MRTFB: variants seen among roughly 807,000 people sequenced by gnomAD.
MRTFB encodes the protein myocardin-related transcription factor B.
MRTFB carries 29 observed loss-of-function variants against 104.2 expected under a neutral mutation model. The ratio of observed to expected loss-of-function variants is 0.28; its 90% CI spans 0.21 to 0.38. MRTFB has a LOEUF of 0.38. Among genes scored for constraint, MRTFB ranks in the 10% least tolerant of loss-of-function variants. The probability of loss-of-function intolerance (pLI) is 1.00; values close to 1 mark genes in which losing one functional copy is unlikely to be tolerated. For synonymous variants in MRTFB, 535 were observed against 519.5 expected, an observed-to-expected ratio of 1.03 and a Z score of -0.41; for missense variants, 1,270 against 1,341.6, an observed-to-expected ratio of 0.95 and a Z score of 0.83.
chr16:13,998,144 G>A, the MRTFB span, among the ~76,000 whole-genome samples: 8 of 152,286 alleles, frequency 5.3e-5, no homozygotes, highest in East Asian at 1.5e-3. Flanking sequence ...AATGAGTGTG[G>A]CTACAACTCA....
chr16:14,127,198 C>T (rs1349515057), intron 2 of MRTFB, among the ~76,000 whole-genome samples: 2 of 152,016 alleles, frequency 1.3e-5, no homozygotes, highest in African/African-American at 4.8e-5. Flanking sequence ...CTGTTCAGTT[C>T]GGTATTTTAA....
upstream of MRTFB, among the ~76,000 whole-genome samples, chr16:14,070,544 T>TGCACAGGGAGTG: frequency 6.6e-6 from 1 of 152,348 alleles, no homozygotes; most frequent in African/African-American, 2.4e-5. Context: ...TCTTCAGAGC[T>TGCACAGGGAGTG]GCACAGGGAG....
chr16:14,091,320 A>G (rs552357420), intron 2 of MRTFB, among the ~76,000 whole-genome samples: 36 of 152,274 alleles, frequency 2.4e-4, no homozygotes, highest in African/African-American at 8.4e-4. Context: ...AAGGGGAGCT[A>G]ATTGGAAGAT....
chr16:14,219,257 T>C (rs1278862289), intron 8 of MRTFB, among the ~76,000 whole-genome samples: 1 of 152,226 alleles, frequency 6.6e-6, no homozygotes, highest in African/African-American at 2.4e-5. Context: ...ACTGAATTTG[T>C]TTGTTCAACA....
Position 14,213,639 on chromosome 16 carries a change from C to G in MRTFB, c.352+19C>G, listed in dbSNP as rs771504132. ...TTAGAAGGTAAAGGATTTATTTCTT[C>G]TTAATCTGCTGTATTTTTTCAAGAA... On this transcript the variant is annotated intron_variant, in intron 6 of 16. Coordinates refer to ENST00000571589, the MANE Select transcript of MRTFB (RefSeq NM_001308142.2). 6 of 1,482,796 alleles carry G rather than the reference C, an allele frequency of 4.0e-6. No individual in the cohort carries two copies. In the African/African-American group the frequency reaches 8.5e-5, roughly 21 times the overall value. The allele number at this position is 1,482,796 out of a possible 1,614,324, so 91.9% of individuals were successfully genotyped here. A position where few individuals can be genotyped will look rare whatever the true frequency, so the allele number is the denominator to read the frequency against.
chr16:14,233,153 A>C (rs2042340590), intron 8 of MRTFB, among the ~76,000 whole-genome samples: 2 of 152,236 alleles, frequency 1.3e-5, no homozygotes, highest in African/African-American at 4.8e-5. Context: ...ATGTGACTCC[A>C]AACTGAGATT....
At chr16:14,015,354 A>G in the MRTFB span, among the ~76,000 whole-genome samples, 1 of 152,122 alleles carries the variant, frequency 6.6e-6, no homozygotes, top group Non-Finnish European at 1.5e-5. Context: ...TCTTCCCCAA[A>G]TAATTCAGGC....
the MRTFB span, among the ~76,000 whole-genome samples, chr16:14,018,163 A>C: frequency 3.9e-5 from 6 of 152,080 alleles, no homozygotes; most frequent in Non-Finnish European, 7.3e-5. Flanking sequence ...CCTCTTCCTG[A>C]GTGTGGAATC....
the MRTFB span, among the ~76,000 whole-genome samples, chr16:14,023,287 T>A: frequency 6.6e-6 from 1 of 151,722 alleles, no homozygotes; most frequent in Non-Finnish European, 1.5e-5. Context: ...AAAATAAAAA[T>A]AAAAATAATT....
intron 3 of MRTFB, among the ~76,000 whole-genome samples, chr16:14,182,494 G>C (rs888481144): frequency 1.3e-5 from 2 of 152,100 alleles, no homozygotes; most frequent in African/African-American, 4.8e-5. Context: ...ACAGACATAC[G>C]TACTTAAATA....
intron 2 of MRTFB, among the ~76,000 whole-genome samples, chr16:14,098,132 G>A (rs575985060): frequency 6.6e-6 from 1 of 152,232 alleles, no homozygotes; most frequent in African/African-American, 2.4e-5. Flanking sequence ...GGATGGATGG[G>A]TGTCTGTTTA....
At position 14,087,244 on chromosome 16, in the gene MRTFB, A is replaced by T. The variant is rs1397643819; in HGVS notation, c.-64+7890A>T. On this transcript the variant is annotated intron_variant, in intron 2 of 16. Coordinates refer to ENST00000571589, the MANE Select transcript of MRTFB (RefSeq NM_001308142.2). ...GTAGAGTTTGGAAAGGGGAGGAGAG[A>T]ACAGTAGCTTTGGGCCATAAGTTCC... 3.1e-4 allele frequency among the ~76,000 whole-genome samples: 47 copies of T among 152,164 alleles called. 1 individual carries two copies. The highest frequency in any genetic ancestry group is 3.1e-3 in the Admixed American group (47 of 15,272).
intron 2 of MRTFB, among the ~76,000 whole-genome samples, chr16:14,126,207 A>T (rs77025845): frequency 1.3e-5 from 2 of 152,020 alleles, no homozygotes; most frequent in African/African-American, 2.4e-5. Context: ...TTTCCTTTTT[A>T]AAAAAACCTT....
chr16:14,097,206 C>G (rs2035426739), intron 2 of MRTFB, among the ~76,000 whole-genome samples: 1 of 152,226 alleles, frequency 6.6e-6, no homozygotes, highest in African/African-American at 2.4e-5. Flanking sequence ...CAATGCCAGA[C>G]ATAGAGTATA....
chr16:14,252,308 G>A, intron 14 of MRTFB, 57 bp from the exon 15 acceptor site: 2 of 1,580,142 alleles, frequency 1.3e-6, no homozygotes, highest in Non-Finnish European at 8.6e-7. Flanking sequence ...AGTCTAGCCA[G>A]GAAAAGAGAG....
intron 3 of MRTFB, among the ~76,000 whole-genome samples, chr16:14,157,110 A>T (rs1421954297): frequency 6.6e-6 from 1 of 152,204 alleles, no homozygotes; most frequent in South Asian, 2.1e-4. Flanking sequence ...TAGTACTTTT[A>T]TATCAATGAA....
chr16:14,182,181 A>G (rs1213432722), intron 3 of MRTFB, among the ~76,000 whole-genome samples: 2 of 152,200 alleles, frequency 1.3e-5, no homozygotes, highest in African/African-American at 2.4e-5. Flanking sequence ...GGTCTCCTCC[A>G]TCTCTCCCTA....
At chr16:14,184,121 T>C (rs1327519863) in intron 3 of MRTFB, among the ~76,000 whole-genome samples, 5 of 151,684 alleles carry the variant, frequency 3.3e-5, no homozygotes, top group African/African-American at 7.3e-5. Context: ...TTCGTTGTTC[T>C]TTTTGCAAAG....
upstream of MRTFB, among the ~76,000 whole-genome samples, chr16:14,069,616 C>A (rs2033578211): frequency 2.6e-5 from 4 of 152,334 alleles, no homozygotes; most frequent in South Asian, 6.2e-4. Context: ...TCCAGAGTAA[C>A]TGGAACTCCA....
Sources: allele counts gnomAD v4.1 joint callset (sites outside exome capture counted in the v4.1 genomes callset), GRCh38; gene constraint gnomAD v4.1.1; transcripts MANE v1.5; gene names NCBI Gene and HGNC (gene_info 2026-07-23, HGNC 2026-07-21).